The following MAPK8 variants were observed in gnomAD, a reference collection of about 807,000 sequenced individuals.
The protein encoded by MAPK8 is JUN N-terminal kinase.
Under a neutral mutation model 52.9 loss-of-function variants are expected in MAPK8, and 13 were observed. The observed-to-expected ratio is 0.25, with a 90% CI of 0.16 to 0.39. MAPK8 has a LOEUF of 0.39. MAPK8 is among the 10% of genes least tolerant of loss of function. The pLI is 1.00. For missense variants in MAPK8, 300 were observed against 519.2 expected, an observed-to-expected ratio of 0.58 and a Z score of 4.10; for synonymous variants, 191 against 169.8, an observed-to-expected ratio of 1.12 and a Z score of -0.97.
chr10:48,415,621 A>C (rs967310120), intron 5 of MAPK8, among the ~76,000 whole-genome samples: 8 of 152,220 alleles, frequency 5.3e-5, no homozygotes, highest in African/African-American at 1.9e-4. Context: ...ATATACCAGG[A>C]AAATGCAAAC....
chr10:48,323,909 G>T (rs966299619), intron 1 of MAPK8, among the ~76,000 whole-genome samples: 8 of 152,112 alleles, frequency 5.3e-5, no homozygotes, highest in Non-Finnish European at 8.8e-5. Context: ...AGTTCAGTGT[G>T]TTTCTTTGTT....
At chr10:48,324,175 A>G (rs553319050) in intron 1 of MAPK8, among the ~76,000 whole-genome samples, 11 of 152,224 alleles carry the variant, frequency 7.2e-5, no homozygotes, top group Non-Finnish European at 1.5e-4. Flanking sequence ...TACATATGTC[A>G]TACTTAAGCC....
At chr10:48,426,140 T>C in intron 8 of MAPK8, 70 bp downstream of exon 8, 2 of 1,301,596 alleles carry the variant, frequency 1.5e-6, no homozygotes, top group Non-Finnish European at 2.1e-6. Flanking sequence ...GTTTGTGTGT[T>C]TATATGTATT....
chr10:48,317,487 A>T (rs1564471761), intron 1 of MAPK8, among the ~76,000 whole-genome samples: 1 of 152,216 alleles, frequency 6.6e-6, no homozygotes, highest in Non-Finnish European at 1.5e-5. Flanking sequence ...TTTGAAAAAG[A>T]GTGAGAAATG....
At chr10:48,336,680 C>A (rs1844720387) in intron 1 of MAPK8, among the ~76,000 whole-genome samples, 1 of 151,924 alleles carries the variant, frequency 6.6e-6, no homozygotes. Context: ...ATAATATAAC[C>A]TATTGTGATA....
At chr10:48,400,986 C>G (rs12253926) in intron 1 of MAPK8, among the ~76,000 whole-genome samples, 7,072 of 152,256 alleles carry the variant, frequency 0.046, 543 homozygotes, top group African/African-American at 0.16. Flanking sequence ...ACTTCTCTCT[C>G]TCTCCTTTCT....
At chr10:48,307,214 C>T (rs889641817) in intron 1 of MAPK8, 1 of 152,300 alleles carries the variant, frequency 6.6e-6, no homozygotes, top group South Asian at 2.1e-4. Flanking sequence ...CCCGCCGCGC[C>T]CTGGCTGCCT....
intron 7 of MAPK8, chr10:48,425,266 G>A (rs1253406538): frequency 2.8e-6 from 2 of 709,702 alleles, no homozygotes; most frequent in East Asian, 2.6e-5. Flanking sequence ...GTAAAGACTA[G>A]AGGAAAGGAG....
chr10:48,360,700 C>T (rs192287337), intron 1 of MAPK8, among the ~76,000 whole-genome samples: 46 of 152,194 alleles, frequency 3.0e-4, no homozygotes, highest in African/African-American at 7.0e-4. Context: ...AAGAAGCAAA[C>T]GCAAAAGGAT....
At chr10:48,325,559 T>TTGAGTATA (rs1238136192) in intron 1 of MAPK8, among the ~76,000 whole-genome samples, 1 of 152,234 alleles carries the variant, frequency 6.6e-6, no homozygotes, top group African/African-American at 2.4e-5. Context: ...TACAGAAAAA[T>TTGAGTATA]TGAGTATATA....
At chr10:48,321,080 G>A (rs964300116) in intron 1 of MAPK8, among the ~76,000 whole-genome samples, 4 of 130,532 alleles carry the variant, frequency 3.1e-5, no homozygotes, top group Middle Eastern at 4.4e-3. Context: ...TTTTTATTAC[G>A]TTGTAAGAGT....
At chr10:48,385,068 GTTAT>G (rs1450669244) in intron 1 of MAPK8, among the ~76,000 whole-genome samples, 6 of 152,160 alleles carry the variant, frequency 3.9e-5, no homozygotes, top group African/African-American at 9.7e-5. Context: ...AATAACATTG[GTTAT>G]TTATTGTCTA....
At chr10:48,358,730 T>C (rs764180743) in intron 1 of MAPK8, among the ~76,000 whole-genome samples, 1 of 152,162 alleles carries the variant, frequency 6.6e-6, no homozygotes, top group Admixed American at 6.5e-5. Flanking sequence ...TTCTTCTAAG[T>C]GTTTTATAGT....
At chr10:48,332,713 G>A (rs1231126922) in intron 1 of MAPK8, among the ~76,000 whole-genome samples, 1 of 152,196 alleles carries the variant, frequency 6.6e-6, no homozygotes, top group Non-Finnish European at 1.5e-5. Context: ...CATGAACTAT[G>A]GCTACCTCTG....
chr10:48,382,703 G>A (rs972530234), intron 1 of MAPK8, among the ~76,000 whole-genome samples: 2 of 149,276 alleles, frequency 1.3e-5, no homozygotes, highest in African/African-American at 4.9e-5. Flanking sequence ...CATGTTAACA[G>A]AATCCAAAAG....
intron 2 of MAPK8, among the ~76,000 whole-genome samples, chr10:48,402,511 A>G (rs1259513516): frequency 2.0e-5 from 3 of 152,242 alleles, no homozygotes; most frequent in Non-Finnish European, 1.5e-5. Flanking sequence ...GCCTCAGGCT[A>G]TATCAGCATA....
At chr10:48,377,883 A>G (rs929380162) in intron 1 of MAPK8, among the ~76,000 whole-genome samples, 1 of 152,136 alleles carries the variant, frequency 6.6e-6, no homozygotes, top group African/African-American at 2.4e-5. Context: ...TTGGTTAATG[A>G]TTTTCTATAC....
rs554761240 is a variant in MAPK8 at position 48,338,565 on chromosome 10, A to G, written c.-50+31744A>G. 3.3e-5 allele frequency among the ~76,000 whole-genome samples: 5 copies of G among 152,218 alleles called. No individual in the cohort carries two copies. In the South Asian group the frequency reaches 1.0e-3, roughly 32 times the overall value. ...CACCATTCCTTTTCAACATAGTACT[A>G]GAAGTTCTAGCCAAAGCAATCAGAC... On this transcript the variant is annotated intron_variant, in intron 1 of 11. Transcript: ENST00000374189.
intron 1 of MAPK8, among the ~76,000 whole-genome samples, chr10:48,352,323 A>C (rs1272906277): frequency 6.6e-6 from 1 of 151,928 alleles, no homozygotes; most frequent in Non-Finnish European, 1.5e-5. Context: ...AAAAAAAAAA[A>C]CCTACCAATA....
Sources: allele counts gnomAD v4.1 joint callset (sites outside exome capture counted in the v4.1 genomes callset), GRCh38; gene constraint gnomAD v4.1.1; transcripts MANE v1.5; gene names NCBI Gene and HGNC (gene_info 2026-07-23, HGNC 2026-07-21).